SPHK2: variants seen among roughly 807,000 people sequenced by gnomAD.
SPHK2 encodes the protein sphingosine kinase 2.
SPHK2 carries 18 observed loss-of-function variants against 32.3 expected under a neutral mutation model. The observed-to-expected ratio is 0.56, with a 90% CI of 0.39 to 0.83. The LOEUF is 0.83. Ranked by LOEUF, SPHK2 falls within the 40% of genes least tolerant of loss-of-function variation. The probability of loss-of-function intolerance (pLI) is 0.00; values close to 1 mark genes in which losing one functional copy is unlikely to be tolerated. For missense variants in SPHK2, 850 were observed against 908.7 expected (o/e 0.94, Z 0.83); for synonymous variants, 462 against 417.6 (o/e 1.11, Z -1.30).
intron 2 of SPHK2, chr19:48,625,161 T>C (rs1427236812): frequency 2.0e-6 from 2 of 1,012,462 alleles, no homozygotes; most frequent in African/African-American, 1.7e-5. Context: ...GTCCCTGTCA[T>C]ATCCCTTCTC....
Position 48,628,157 on chromosome 19 carries a change from T to C in SPHK2, c.757-5T>C, listed in dbSNP as rs747929600. ...GACCCAGGCTTCTGGTCTCCCACCC[T>C]CCAGGTGCTGAACGGGCTCCTAGAT... is the stretch of plus-strand genomic sequence containing the variant. On this transcript the variant is annotated splice_region_variant and splice_polypyrimidine_tract_variant and intron_variant, in intron 5 of 6. Coordinates refer to ENST00000245222, the MANE Select transcript of SPHK2 (RefSeq NM_020126.5). This position sits in a 1 kb window ranked among gnomAD's most constrained non-coding sequence, Gnocchi z 5.2. The C allele has an allele frequency of 6.2e-7, 1 of 1,611,826 alleles. No individual in the cohort carries two copies. Among genetic ancestry groups the C allele is most frequent in the Non-Finnish European group, 8.5e-7 (1 of 1,178,722 alleles).
rs1336100568 is a variant in SPHK2, at chr19:48,626,251, A to G, written c.400A>G (p.Thr134Ala). The G allele has an allele frequency of 2.5e-6, 4 of 1,595,166 alleles. No homozygotes were observed. The South Asian group carries it at 4.4e-5, about 18-fold the overall frequency. The change falls in exon 3 of 7, where the codon ACC becomes GCC. Residue 134 changes from threonine (T) to alanine (A), a missense_variant. By Grantham distance (58) the Thr-to-Ala change is moderately conservative. Coordinates refer to ENST00000245222, the MANE Select transcript of SPHK2 (RefSeq NM_020126.5). The part of the protein sequence containing the change: ...RRGARRRATR[T>A]FRADGAATYE... Reference sequence around the variant, plus strand: ...CGGGGCCCGGCGCAGAGCCACTCGCACCTTCCGGGCAGATGGGGCCGCCAC... The same window carrying G: ...CGGGGCCCGGCGCAGAGCCACTCGCGCCTTCCGGGCAGATGGGGCCGCCAC...
rs2030331252 is a variant in SPHK2, at chr19:48,629,268, C to G, written c.1460C>G (p.Ser487Cys). 10 of 1,613,696 alleles carry G rather than the reference C, an allele frequency of 6.2e-6. No homozygotes were observed. The highest frequency in any genetic ancestry group is 7.6e-6 in the Non-Finnish European group (9 of 1,179,992). ...AAGGCAGCTCTACACTCACCCGTCT[C>G]CGAAGGGGCCCCCGTAATTCCCCCA... is the stretch of plus-strand genomic sequence containing the variant. ...SPKAALHSPV[S>C]EGAPVIPPSS... Residue 487 changes from serine (S) to cysteine (C), a missense_variant, in exon 7 of 7, where the codon TCC becomes TGC. By Grantham distance (112) the Ser-to-Cys change is moderately radical. Coordinates refer to ENST00000245222, the MANE Select transcript of SPHK2 (RefSeq NM_020126.5).
Position 48,629,060 on chromosome 19 carries a change from C to T in SPHK2, c.1252C>T (p.Arg418Cys), listed in dbSNP as rs1204460633. The change falls in exon 7 of 7, where the codon CGT becomes TGT. Residue 418 changes from arginine (R) to cysteine (C), a missense_variant. Transcript: ENST00000245222. ...GCCCATGGCCCACTCACCCCTGCAT[C>T]GTTCTGTGTCTGACCTGCCTCTTCC... Reference protein sequence around the residue: ...APPMAHSPLHRSVSDLPLPLP... With the variant: ...APPMAHSPLHCSVSDLPLPLP... The T allele has an allele frequency of 3.7e-6, 6 of 1,613,240 alleles. No individual in the cohort carries two copies. Among genetic ancestry groups the T allele is most frequent in the Non-Finnish European group, 5.1e-6 (6 of 1,179,750 alleles).
chr19:48,629,560 C>G lies in SPHK2; in HGVS notation c.1752C>G (p.Phe584Leu). The change falls in exon 7 of 7, where the codon TTC becomes TTG. Residue 584 changes from phenylalanine to leucine, a missense_variant. This residue lies in a region of SPHK2 where 306 missense variants were observed against 268.6 expected (regional missense o/e 1.14). Transcript: ENST00000245222. Reference sequence around the variant, plus strand: ...CGCGGGCTGCGCTGCTGCGCCTTTTCTTGGCCATGGAGCGTGGTAGCCACT... The same window carrying G: ...CGCGGGCTGCGCTGCTGCGCCTTTTGTTGGCCATGGAGCGTGGTAGCCACT... ...GISRAALLRL[F>L]LAMERGSHFS... The G allele has an allele frequency of 6.2e-7, 1 of 1,602,240 alleles. No homozygotes were observed. Among genetic ancestry groups the G allele is most frequent in the Non-Finnish European group, 8.5e-7 (1 of 1,175,222 alleles).
In SPHK2 at chr19:48,626,010, C is replaced by T. The variant is rs754119795; in HGVS notation, c.159C>T (p.Gly53=). ...PLAASTPLLH[G]EFGSYPARGP... ...CTGCCAGCACCCCGCTCCTCCATGG[C>T]GAGTTTGGCTCCTACCCAGCCCGAG... is the stretch of plus-strand genomic sequence containing the variant. Residue 53 remains glycine (G), a synonymous_variant, in exon 3 of 7, where the codon GGC becomes GGT. Coordinates refer to ENST00000245222, the MANE Select transcript of SPHK2 (RefSeq NM_020126.5). 3.7e-6 allele frequency: 6 copies of T among 1,613,324 alleles called. No homozygotes were observed. The highest frequency in any genetic ancestry group is 2.2e-5 in the East Asian group (1 of 44,896).
chr19:48,629,057 C>T lies in SPHK2; in HGVS notation c.1249C>T (p.His417Tyr), dbSNP rs778238012. 1.4e-5 allele frequency: 22 copies of T among 1,613,174 alleles called. No homozygotes were observed. Among genetic ancestry groups the T allele is most frequent in the Non-Finnish European group, 1.6e-5 (19 of 1,179,772 alleles). The part of the protein sequence containing the change: ...PAPPMAHSPL[H>Y]RSVSDLPLPL... ...CCCGCCCATGGCCCACTCACCCCTG[C>T]ATCGTTCTGTGTCTGACCTGCCTCT... The change falls in exon 7 of 7, where the codon CAT (histidine) becomes TAT (tyrosine). Residue 417 changes from histidine (H) to tyrosine (Y), a missense_variant. His to Tyr is a moderately conservative substitution (Grantham distance 83). Coordinates refer to ENST00000245222, the MANE Select transcript of SPHK2 (RefSeq NM_020126.5).
chr19:48,623,265 G>A (rs1429186391), intron 2 of SPHK2: 1 of 149,788 alleles, frequency 6.7e-6, no homozygotes, highest in African/African-American at 2.5e-5. Flanking sequence ...AAAAGAGAGA[G>A]AGACGGGGGT....
rs138332547 is a variant in SPHK2 at position 48,621,375 on chromosome 19, G to A, written c.39+822G>A. Among the ~76,000 whole-genome samples the A allele has an allele frequency of 1.2e-3, 189 of 152,020 alleles. 1 individual carries two copies. The highest frequency in any genetic ancestry group is 4.0e-3 in the African/African-American group (165 of 41,442). ...ATTACAGGCATGAGCCACTGCACCC[G>A]GCCAATTTTTTTATTTTTTCTAGAG... On this transcript the variant is annotated intron_variant, in intron 2 of 6. Transcript: ENST00000245222.
chr19:48,626,169 C>T lies in SPHK2; in HGVS notation c.318C>T (p.Arg106=). The T allele has an allele frequency of 6.3e-7, 1 of 1,595,982 alleles. No individual in the cohort carries two copies. The highest frequency in any genetic ancestry group is 1.7e-4 in the Middle Eastern group (1 of 5,994). The change falls in exon 3 of 7, where the codon CGC becomes CGT. Residue 106 remains arginine, a synonymous_variant. Coordinates refer to ENST00000245222, the MANE Select transcript of SPHK2 (RefSeq NM_020126.5). The stretch of plus-strand genomic sequence containing the variant: ...CAGGCTGCTGCACCCTGCGAAGCCG[C>T]AGCCCCTCAGACTCAGCGGCCTACT... ...EVSGCCTLRS[R]SPSDSAAYFC... is the part of the protein sequence containing the mutation.
rs2147706238 is a variant in SPHK2 at position 48,630,245 on chromosome 19, T to C, written c.*472T>C. ...GCCAATCAGCCCAGGAGGGGCAGGT[T>C]CCCCGGGGCCGGCGCTAGGATTTGC... On this transcript the variant is annotated 3_prime_UTR_variant, in exon 7 of 7. Coordinates refer to ENST00000245222, the MANE Select transcript of SPHK2 (RefSeq NM_020126.5). This position sits in a 1 kb window ranked among gnomAD's most constrained non-coding sequence, Gnocchi z 4.9. 1.6e-6 allele frequency: 2 copies of C among 1,274,876 alleles called. No homozygotes were observed. The highest frequency in any genetic ancestry group is 6.1e-5 in the East Asian group (2 of 32,524). 79.0% of individuals were successfully genotyped at this position (1,274,876 alleles called of 1,614,324 possible).
chr19:48,624,726 C>T (rs1176325274), intron 2 of SPHK2: 1 of 178,874 alleles, frequency 5.6e-6, no homozygotes, highest in African/African-American at 2.4e-5. Context: ...GACTGGAGGA[C>T]ATCTAGGGCT....
Position 48,628,312 on chromosome 19 carries a change from C to A in SPHK2, c.872+35C>A. ...GGATACCACGAAGGGAGGGATGAGC[C>A]CCTCCTGGGGTGATAGGGACCCCTA... On this transcript the variant is annotated intron_variant, in intron 6 of 6. Coordinates refer to ENST00000245222, the MANE Select transcript of SPHK2 (RefSeq NM_020126.5). This position sits in a 1 kb window ranked among gnomAD's most constrained non-coding sequence, Gnocchi z 5.2. 6.3e-7 allele frequency: 1 copy of A among 1,587,304 alleles called. No individual in the cohort carries two copies. Among genetic ancestry groups the A allele is most frequent in the Non-Finnish European group, 8.6e-7 (1 of 1,158,466 alleles).
In SPHK2 at chr19:48,628,565, G is replaced by A. The variant is rs2030210581; in HGVS notation, c.873-116G>A. 7 of 1,339,334 alleles carry A rather than the reference G, an allele frequency of 5.2e-6. No individual in the cohort carries two copies. The highest frequency in any genetic ancestry group is 6.3e-6 in the Non-Finnish European group (6 of 949,272). The allele number at this position is 1,339,334 out of a possible 1,614,324, so 83.0% of individuals were successfully genotyped here. On this transcript the variant is annotated intron_variant, in intron 6 of 6. Coordinates refer to ENST00000245222, the MANE Select transcript of SPHK2 (RefSeq NM_020126.5). The surrounding 1 kb of genome is among the most constrained non-coding windows in gnomAD (Gnocchi z 5.2). Reference sequence around the variant, plus strand: ...GCCTGGAGGTGGCCCCACGGCTGTGGTGGGCCTGGGCCATGGCCTTCGTGG... The same window carrying A: ...GCCTGGAGGTGGCCCCACGGCTGTGATGGGCCTGGGCCATGGCCTTCGTGG...
Position 48,628,435 on chromosome 19 carries a change from C to T in SPHK2, c.872+158C>T. The T allele has an allele frequency of 2.2e-6, 2 of 915,042 alleles. No individual in the cohort carries two copies. The highest frequency in any genetic ancestry group is 3.6e-6 in the Non-Finnish European group (2 of 555,862). 56.7% of individuals were successfully genotyped at this position (915,042 alleles called of 1,614,324 possible). Reference sequence around the variant, plus strand: ...CTGGACATTTTTGCCTGCCTGCTTCCCAGCTGTATCCCGAGCGCCCAGAAC... The same window carrying T: ...CTGGACATTTTTGCCTGCCTGCTTCTCAGCTGTATCCCGAGCGCCCAGAAC... On this transcript the variant is annotated intron_variant, in intron 6 of 6. Transcript: ENST00000245222. The surrounding 1 kb of genome is among the most constrained non-coding windows in gnomAD (Gnocchi z 5.2).
chr19:48,620,731 C>T (rs905046634), intron 2 of SPHK2, 178 bp downstream of exon 2: 1 of 571,766 alleles, frequency 1.7e-6, no homozygotes, highest in African/African-American at 1.9e-5. Flanking sequence ...CGAGATCAGC[C>T]TGGCCAACAT....
At chr19:48,620,352 C>A in intron 1 of SPHK2, 50 bp from the exon 2 acceptor site, 1 of 570,162 alleles carries the variant, frequency 1.8e-6, no homozygotes. Context: ...CTGGAAGGGC[C>A]TCCTGCAGTT....
intron 2 of SPHK2, among the ~76,000 whole-genome samples, chr19:48,623,620 ATC>A (rs1160601870): frequency 2.0e-5 from 3 of 151,714 alleles, no homozygotes; most frequent in South Asian, 2.1e-4. Flanking sequence ...TACTGTCCCC[ATC>A]TCTCTGTCTC....
At position 48,628,497 on chromosome 19, in the gene SPHK2, G is replaced by A. The variant is rs1434344962; in HGVS notation, c.873-184G>A. On this transcript the variant is annotated intron_variant, in intron 6 of 6. Coordinates refer to ENST00000245222, the MANE Select transcript of SPHK2 (RefSeq NM_020126.5). The surrounding 1 kb of genome is among the most constrained non-coding windows in gnomAD (Gnocchi z 5.2). ...TGGGAGGCACTCAGTGAATTGTAGG[G>A]AGCAAATGAAAGATGACCAGGAACC... 3.4e-6 allele frequency: 3 copies of A among 877,250 alleles called. No homozygotes were observed. Among genetic ancestry groups the A allele is most frequent in the Non-Finnish European group, 3.6e-6 (2 of 552,018 alleles). 54.3% of individuals were successfully genotyped at this position (877,250 alleles called of 1,614,324 possible).
Sources: gnomAD v4.1 joint callset for allele counts (sites outside exome capture counted in the v4.1 genomes callset) on GRCh38, gnomAD v4.1.1 for gene constraint, gnomAD v4.1.1 regional missense constraint, Gnocchi (gnomAD v3.1) non-coding constraint, MANE v1.5 for transcripts, NCBI Gene and HGNC (gene_info 2026-07-23, HGNC 2026-07-21) for gene names.